Variants in SRGAP1 observed in about 807,000 individuals in gnomAD.
The protein encoded by SRGAP1 is SLIT-ROBO Rho GTPase-activating protein 1.
Under a neutral mutation model 121.9 loss-of-function variants are expected in SRGAP1, and 43 were observed. The ratio of observed to expected loss-of-function variants is 0.35; its 90% CI spans 0.28 to 0.46. The LOEUF (loss-of-function observed/expected upper bound fraction) is 0.46. SRGAP1 is among the 20% of genes least tolerant of loss of function. SRGAP1 has a pLI of 1.00. For synonymous variants in SRGAP1, 447 were observed against 485.4 expected, an observed-to-expected ratio of 0.92 and a Z score of 1.04; for missense variants, 1,102 against 1,350.9, an observed-to-expected ratio of 0.82 and a Z score of 2.89.
chr12:63,890,566 A>G (rs1312974846), intron 1 of SRGAP1, among the ~76,000 whole-genome samples: 3 of 152,240 alleles, frequency 2.0e-5, no homozygotes, highest in South Asian at 2.1e-4. Flanking sequence ...ATGTAAGGTG[A>G]GTTGTGGGGT....
At chr12:64,090,720 G>T (rs570478578) in intron 11 of SRGAP1, among the ~76,000 whole-genome samples, 6 of 152,248 alleles carry the variant, frequency 3.9e-5, no homozygotes, top group Non-Finnish European at 7.4e-5. Flanking sequence ...TGCGCCTGTA[G>T]TCCTAGCTAC....
chr12:63,889,194 C>G (rs566375597), intron 1 of SRGAP1, among the ~76,000 whole-genome samples: 69 of 152,312 alleles, frequency 4.5e-4, no homozygotes, highest in African/African-American at 1.6e-3. Flanking sequence ...CAGGGCCAAG[C>G]ATAGAGTGGG....
chr12:64,046,821 A>G (rs1003502376), intron 6 of SRGAP1, among the ~76,000 whole-genome samples: 2 of 152,120 alleles, frequency 1.3e-5, no homozygotes, highest in African/African-American at 4.8e-5. Context: ...ATTGTCATGG[A>G]TATTTATTGA....
chr12:64,086,739 A>G (rs1244364654), intron 10 of SRGAP1, among the ~76,000 whole-genome samples: 1 of 151,136 alleles, frequency 6.6e-6, no homozygotes, highest in Admixed American at 6.6e-5. Context: ...AAAAAAAAAA[A>G]AAACACAGCC....
intron 21 of SRGAP1, among the ~76,000 whole-genome samples, chr12:64,134,679 T>C (rs769733560): frequency 3.9e-5 from 6 of 152,156 alleles, no homozygotes; most frequent in African/African-American, 7.2e-5. Flanking sequence ...TTAGAACCTT[T>C]TTTAACTCCC....
At chr12:63,979,402 G>A (rs531267288) in intron 1 of SRGAP1, among the ~76,000 whole-genome samples, 1 of 151,704 alleles carries the variant, frequency 6.6e-6, no homozygotes, top group East Asian at 1.9e-4. Flanking sequence ...TGTGTATTCT[G>A]TATACAAGTT....
chr12:64,095,085 T>G (rs746877560), intron 13 of SRGAP1, 42 bp from the exon 14 acceptor site: 1 of 1,609,238 alleles, frequency 6.2e-7, no homozygotes, highest in Non-Finnish European at 8.5e-7. Context: ...ACCTAGACAA[T>G]GTGATGGGGG....
chr12:63,906,439 C>T (rs554224250), intron 1 of SRGAP1, among the ~76,000 whole-genome samples: 82 of 152,024 alleles, frequency 5.4e-4, no homozygotes, highest in Non-Finnish European at 9.1e-4. Flanking sequence ...CTCAGCCTCC[C>T]GAGTAGCTGG....
Position 64,004,665 on chromosome 12 carries a change from C to T in SRGAP1, c.427-12285C>T, listed in dbSNP as rs540102848. On this transcript the variant is annotated intron_variant, in intron 3 of 21. Transcript: ENST00000355086. ...GAATACAGGTGTGAGCCACCGCGCT[C>T]GGCCCAATAAAGTTCATTTTCAAAG... 3.6e-4 allele frequency among the ~76,000 whole-genome samples: 55 copies of T among 152,252 alleles called. 1 individual carries two copies. The South Asian group carries it at 5.2e-3, about 14-fold the overall frequency.
intron 15 of SRGAP1, among the ~76,000 whole-genome samples, chr12:64,099,904 A>C (rs971643089): frequency 2.0e-5 from 3 of 152,186 alleles, no homozygotes; most frequent in African/African-American, 4.8e-5. Flanking sequence ...ATATCATTTC[A>C]TAGTGGTTTT....
At chr12:63,893,546 C>G (rs1900655499) in intron 1 of SRGAP1, among the ~76,000 whole-genome samples, 2 of 152,204 alleles carry the variant, frequency 1.3e-5, no homozygotes, top group African/African-American at 4.8e-5. Flanking sequence ...GTGCCTCAGA[C>G]ATGCCTGACA....
At chr12:64,094,628 TACACA>T (rs2036119441) in intron 12 of SRGAP1, among the ~76,000 whole-genome samples, 1 of 152,220 alleles carries the variant, frequency 6.6e-6, no homozygotes, top group African/African-American at 2.4e-5. Context: ...ATGATTATAA[TACACA>T]GAGTTCTTTT....
At chr12:64,088,191 A>T (rs1224050117) in intron 11 of SRGAP1, among the ~76,000 whole-genome samples, 1 of 152,222 alleles carries the variant, frequency 6.6e-6, no homozygotes, top group Middle Eastern at 3.2e-3. Flanking sequence ...AACTAGAAAG[A>T]TACAGCTCCT....
At chr12:64,071,875 C>T (rs373447415) in intron 8 of SRGAP1, among the ~76,000 whole-genome samples, 1 of 149,042 alleles carries the variant, frequency 6.7e-6, no homozygotes, top group Non-Finnish European at 1.5e-5. Context: ...CCCTCACCCC[C>T]CCCCAAAAAA....
intron 1 of SRGAP1, among the ~76,000 whole-genome samples, chr12:63,902,879 A>G (rs925919167): frequency 6.6e-6 from 1 of 152,112 alleles, no homozygotes; most frequent in African/African-American, 2.4e-5. Flanking sequence ...TGTACTTTTC[A>G]TTTGGTCATT....
Position 64,151,276 on chromosome 12 carries a change from G to A in SRGAP1, c.*8604G>A, listed in dbSNP as rs546473862. On this transcript the variant is annotated 3_prime_UTR_variant, in exon 22 of 22. Coordinates refer to ENST00000355086, the MANE Select transcript of SRGAP1 (RefSeq NM_020762.4). ...TTCTGTATATAATTGTATATACATT[G>A]GGTTTTTCTCCCTTATAGCAATTCA... The A allele has an allele frequency of 2.6e-5, 4 of 152,116 alleles. No homozygotes were observed. In the South Asian group the frequency reaches 6.2e-4, roughly 24 times the overall value. The allele number at this position is 152,116 out of a possible 1,614,324, so 9.4% of individuals were successfully genotyped here.
intron 8 of SRGAP1, among the ~76,000 whole-genome samples, chr12:64,071,801 C>T (rs930605217): frequency 1.3e-5 from 2 of 151,928 alleles, no homozygotes; most frequent in African/African-American, 4.8e-5. Flanking sequence ...TAAACATTAC[C>T]TTAAATGCAG....
intron 16 of SRGAP1, among the ~76,000 whole-genome samples, chr12:64,111,413 G>A (rs552129463): frequency 6.6e-6 from 1 of 152,232 alleles, no homozygotes; most frequent in Admixed American, 6.5e-5. Flanking sequence ...AAAGCTTTAT[G>A]GAAATCCTCA....
Position 64,003,478 on chromosome 12 carries a change from G to GAAAAA in SRGAP1, c.426+13423_426+13427dup, listed in dbSNP as rs531819299. On this transcript the variant is annotated intron_variant, in intron 3 of 21. Transcript: ENST00000355086. Reference sequence around the variant, plus strand: ...ATGAATGGAAAGCCAGGAAGTTTCAGAAAAAAAAAAAAAAAAAAAAAGGTA... The same window carrying GAAAAA: ...ATGAATGGAAAGCCAGGAAGTTTCAGAAAAAAAAAAAAAAAAAAAAAAAAAAGGTA... Among the ~76,000 whole-genome samples the GAAAAA allele has an allele frequency of 1.0e-3, 44 of 42,788 alleles. 1 individual carries two copies. The highest frequency in any genetic ancestry group is 2.7e-3 in the African/African-American group (44 of 16,180). The allele number at this position is 42,788 out of a possible 152,430, so 28.1% of individuals were successfully genotyped here. A position where few individuals can be genotyped will look rare whatever the true frequency, so the allele number is the denominator to read the frequency against.
Sources: allele counts gnomAD v4.1 joint callset (sites outside exome capture counted in the v4.1 genomes callset), GRCh38; gene constraint gnomAD v4.1.1; transcripts MANE v1.5; gene names NCBI Gene and HGNC (gene_info 2026-07-23, HGNC 2026-07-21).